Variants in CDC37L1 observed in about 807,000 individuals in gnomAD.
The protein encoded by CDC37L1 is cell division cycle 37 like 1, HSP90 cochaperone, also known as hsp90 co-chaperone Cdc37-like 1.
A neutral mutation model predicts 45.9 loss-of-function variants in CDC37L1; 32 were observed. The ratio of observed to expected loss-of-function variants is 0.70; its 90% CI spans 0.53 to 0.94. The LOEUF (loss-of-function observed/expected upper bound fraction) is 0.94, where lower values mean the gene tolerates loss of function less well. Ranked by LOEUF, CDC37L1 falls within the 40% of genes least tolerant of loss-of-function variation. The pLI is 0.00. For synonymous variants in CDC37L1, 150 were observed against 133.0 expected, an observed-to-expected ratio of 1.13 and a Z score of -0.88; for missense variants, 434 against 405.7, an observed-to-expected ratio of 1.07 and a Z score of -0.60.
At chr9:4,687,130 C>T (rs931353653) in intron 2 of CDC37L1, among the ~76,000 whole-genome samples, 1 of 151,672 alleles carries the variant, frequency 6.6e-6, no homozygotes, top group African/African-American at 2.4e-5. Flanking sequence ...AATATGTAAA[C>T]TTTTGAGTGC....
At position 4,705,944 on chromosome 9, in the gene CDC37L1, T is replaced by C. The variant is rs527514504; in HGVS notation, c.913-67T>C. 237 of 721,080 alleles carry C rather than the reference T, an allele frequency of 3.3e-4. No individual in the cohort carries two copies. The African/African-American group carries it at 3.5e-3, about 11-fold the overall frequency. 44.7% of individuals were successfully genotyped at this position (721,080 alleles called of 1,614,324 possible). On this transcript the variant is annotated intron_variant, in intron 6 of 6. Transcript: ENST00000381854. ...CGGTGAAACTGAATATATATGTATG[T>C]ACTGTCATAAAACTGGTTATAATGC...
Position 4,697,885 on chromosome 9 carries a change from T to C in CDC37L1, c.747+6T>C. On this transcript the variant is annotated splice_donor_region_variant and intron_variant, in intron 5 of 6. Coordinates refer to ENST00000381854, the MANE Select transcript of CDC37L1 (RefSeq NM_017913.4). ...TATTTTTCCAGAAAGCCAAAGTAAGTAGTTATTTGATATTGATAAATGGGA... is the reference window on the plus strand; with the variant it reads ...TATTTTTCCAGAAAGCCAAAGTAAGCAGTTATTTGATATTGATAAATGGGA... 1 of 1,612,844 alleles carries C rather than the reference T, an allele frequency of 6.2e-7. No individual in the cohort carries two copies. The highest frequency in any genetic ancestry group is 1.3e-5 in the African/African-American group (1 of 74,974).
Position 4,697,106 on chromosome 9 carries a change from T to A in CDC37L1, c.519T>A (p.Ser173Arg). 1 of 1,488,148 alleles carries A rather than the reference T, an allele frequency of 6.7e-7. No individual in the cohort carries two copies. 92.2% of individuals were successfully genotyped at this position (1,488,148 alleles called of 1,614,324 possible). The change falls in exon 4 of 7, where the codon AGT becomes AGA. Residue 173 changes from serine (S) to arginine (R), a missense_variant. Coordinates refer to ENST00000381854, the MANE Select transcript of CDC37L1 (RefSeq NM_017913.4). ...TTCTTTTTTTTACAGGTATGTTGAG[T>A]CGATGGGATGATAGCCAGAGATTTT... Reference protein sequence around the residue: ...EQKIRHFGMLSRWDDSQRFLS... With the variant: ...EQKIRHFGMLRRWDDSQRFLS...
intron 3 of CDC37L1, among the ~76,000 whole-genome samples, chr9:4,691,620 A>T (rs749796537): frequency 1.3e-4 from 20 of 151,568 alleles, no homozygotes; most frequent in Non-Finnish European, 2.9e-4. Context: ...CTTTACACCC[A>T]TGTTTCTCTG....
At chr9:4,684,844 T>C (rs748038427) in intron 1 of CDC37L1, 33 bp from the exon 2 acceptor site, 34 of 1,541,826 alleles carry the variant, frequency 2.2e-5, no homozygotes, top group Non-Finnish European at 1.3e-5. Flanking sequence ...TCCATTGCTT[T>C]CTTCATTTCT....
At chr9:4,690,069 T>G (rs1254351883) in intron 3 of CDC37L1, among the ~76,000 whole-genome samples, 1 of 152,234 alleles carries the variant, frequency 6.6e-6, no homozygotes, top group African/African-American at 2.4e-5. Context: ...CACAAAGTGT[T>G]GTAACCCATC....
intron 3 of CDC37L1, among the ~76,000 whole-genome samples, chr9:4,691,134 C>G (rs976767432): frequency 1.3e-5 from 2 of 152,164 alleles, no homozygotes; most frequent in African/African-American, 2.4e-5. Flanking sequence ...AAAATGATGA[C>G]TATATTGGTA....
intron 6 of CDC37L1, among the ~76,000 whole-genome samples, chr9:4,702,815 G>GGAGGCA (rs1197346967): frequency 2.0e-5 from 3 of 150,372 alleles, no homozygotes; most frequent in Non-Finnish European, 4.4e-5. Context: ...CGTGAACCCG[G>GGAGGCA]GAGGCAGAGC....
chr9:4,680,079 G>A (rs1361937115), intron 1 of CDC37L1, among the ~76,000 whole-genome samples, 180 bp downstream of exon 1: 1 of 152,198 alleles, frequency 6.6e-6, no homozygotes, highest in Non-Finnish European at 1.5e-5. Context: ...TCTTCGGAGG[G>A]CAGACGGGGT....
At chr9:4,701,720 CAG>C (rs1468372811) in intron 5 of CDC37L1, 142 bp from the exon 6 acceptor site, 1 of 511,630 alleles carries the variant, frequency 2.0e-6, no homozygotes, top group African/African-American at 2.0e-5. Flanking sequence ...ACAAATGTGA[CAG>C]GGATCGTGGT....
chr9:4,700,288 T>C (rs545564451), intron 5 of CDC37L1, among the ~76,000 whole-genome samples: 85 of 152,314 alleles, frequency 5.6e-4, no homozygotes, highest in African/African-American at 1.9e-3. Context: ...CCCAGGTAGC[T>C]GGGACTATAG....
intron 3 of CDC37L1, among the ~76,000 whole-genome samples, chr9:4,688,855 AC>A (rs1380831624): frequency 1.3e-5 from 2 of 152,052 alleles, no homozygotes; most frequent in Non-Finnish European, 2.9e-5. Context: ...TACCTTTAAG[AC>A]AACTTTATGT....
intron 3 of CDC37L1, among the ~76,000 whole-genome samples, chr9:4,693,563 G>A (rs184834344): frequency 3.1e-4 from 47 of 152,202 alleles, no homozygotes; most frequent in African/African-American, 1.1e-3. Context: ...GAATCAGGTG[G>A]CATATTGAAG....
At chr9:4,689,776 G>C (rs1471934812) in intron 3 of CDC37L1, among the ~76,000 whole-genome samples, 2 of 152,182 alleles carry the variant, frequency 1.3e-5, no homozygotes, top group African/African-American at 2.4e-5. Flanking sequence ...ATGAATCTTA[G>C]TTGTGATATG....
At chr9:4,693,404 G>C (rs1051930777) in intron 3 of CDC37L1, among the ~76,000 whole-genome samples, 4 of 152,038 alleles carry the variant, frequency 2.6e-5, no homozygotes, top group African/African-American at 9.7e-5. Flanking sequence ...GATTGCACCA[G>C]TGTACTCTAG....
chr9:4,693,293 A>G (rs959574790), intron 3 of CDC37L1, among the ~76,000 whole-genome samples: 1 of 151,304 alleles, frequency 6.6e-6, no homozygotes, highest in South Asian at 2.1e-4. Flanking sequence ...AAAAAAAAAA[A>G]TTCGTCAGGT....
At position 4,708,354 on chromosome 9, in the gene CDC37L1, T is replaced by C. The variant is rs1841467480; in HGVS notation, c.*2242T>C. 6.6e-6 allele frequency: 1 copy of C among 152,246 alleles called. No individual in the cohort carries two copies. Among genetic ancestry groups the C allele is most frequent in the Middle Eastern group, 3.2e-3 (1 of 316 alleles). 9.4% of individuals were successfully genotyped at this position (152,246 alleles called of 1,614,324 possible). On this transcript the variant is annotated 3_prime_UTR_variant, in exon 7 of 7. Transcript: ENST00000381854. ...CAAAGTATCATCAAAGATTCTTGTTTCATTTGATAAAATTAATATTTGAAT... is the reference window on the plus strand; with the variant it reads ...CAAAGTATCATCAAAGATTCTTGTTCCATTTGATAAAATTAATATTTGAAT...
chr9:4,696,258 T>C (rs973956129), intron 3 of CDC37L1, among the ~76,000 whole-genome samples: 2 of 152,254 alleles, frequency 1.3e-5, no homozygotes, highest in Non-Finnish European at 2.9e-5. Context: ...AGTTTACTGC[T>C]AAACTCTTGA....
chr9:4,697,898 T>C lies in CDC37L1; in HGVS notation c.747+19T>C, dbSNP rs771690085. 1.9e-6 allele frequency: 3 copies of C among 1,611,586 alleles called. No individual in the cohort carries two copies. Among genetic ancestry groups the C allele is most frequent in the African/African-American group, 1.3e-5 (1 of 74,842 alleles). On this transcript the variant is annotated intron_variant, in intron 5 of 6. Transcript: ENST00000381854. The stretch of plus-strand genomic sequence containing the variant: ...AGCCAAAGTAAGTAGTTATTTGATA[T>C]TGATAAATGGGAAGATTTGGTCCCA...
Sources: allele counts gnomAD v4.1 joint callset (sites outside exome capture counted in the v4.1 genomes callset), GRCh38; gene constraint gnomAD v4.1.1; transcripts MANE v1.5; gene names NCBI Gene and HGNC (gene_info 2026-07-23, HGNC 2026-07-21).